Variants in KIR2DL1 observed in about 807,000 individuals in gnomAD.
The protein encoded by KIR2DL1 is killer cell immunoglobulin-like receptor 2DL1.
A neutral mutation model predicts 33.9 loss-of-function variants in KIR2DL1; 38 were observed. The observed-to-expected ratio is 1.12, with a 90% CI of 0.86 to 1.47. The LOEUF is 1.47. KIR2DL1 is among the 40% of genes most tolerant of loss of function. The pLI is 0.00. For synonymous variants in KIR2DL1, 179 were observed against 165.9 expected (o/e 1.08, Z -0.61); for missense variants, 531 against 433.9 (o/e 1.22, Z -1.99).
In KIR2DL1 at chr19:54,775,933, C is replaced by G. The variant is rs922524759; in HGVS notation, c.664+475C>G. Among the ~76,000 whole-genome samples, 45 of 146,480 alleles carry G rather than the reference C, an allele frequency of 3.1e-4. 3 individuals are homozygous for G. Among genetic ancestry groups the G allele is most frequent in the Non-Finnish European group, 1.4e-4 (9 of 65,340 alleles). The stretch of plus-strand genomic sequence containing the variant: ...TTGAGGTGGAGTCTAGCTCTGTCCC[C>G]TATGATGGAGTGCAGTGGCACAATC... On this transcript the variant is annotated intron_variant, in intron 4 of 7. Coordinates refer to ENST00000336077, the MANE Select transcript of KIR2DL1 (RefSeq NM_014218.3).
chr19:54,780,647 T>C (rs1231390568), intron 5 of KIR2DL1, among the ~76,000 whole-genome samples: 4 of 143,150 alleles, frequency 2.8e-5, no homozygotes. Flanking sequence ...GCCGCCCCAC[T>C]GGTGAAATGT....
intron 5 of KIR2DL1, among the ~76,000 whole-genome samples, chr19:54,782,190 C>G (rs1407971602): frequency 1.3e-5 from 2 of 151,832 alleles, no homozygotes; most frequent in Non-Finnish European, 2.9e-5. Flanking sequence ...CCACAGGAAG[C>G]ACTCAGCTAA....
chr19:54,779,518 C>G (rs1167673332), intron 5 of KIR2DL1, among the ~76,000 whole-genome samples: 2 of 145,978 alleles, frequency 1.4e-5, no homozygotes, highest in Non-Finnish European at 3.1e-5. Flanking sequence ...TGCTGCTCTC[C>G]CTTCTTCCTC....
chr19:54,781,616 G>A (rs918384722), intron 5 of KIR2DL1, among the ~76,000 whole-genome samples: 1 of 151,360 alleles, frequency 6.6e-6, no homozygotes, highest in African/African-American at 2.4e-5. Context: ...GAGGACAGGT[G>A]GTTTTGAAGC....
intron 2 of KIR2DL1, 60 bp from the exon 3 acceptor site, chr19:54,773,273 G>C (rs371064843): frequency 6.7e-7 from 1 of 1,497,182 alleles, no homozygotes; most frequent in Non-Finnish European, 9.1e-7. Context: ...ACTCAATCCA[G>C]GTGCCATGGA....
At chr19:54,778,769 C>G in intron 5 of KIR2DL1, 107 bp downstream of exon 5, 1 of 1,246,670 alleles carries the variant, frequency 8.0e-7, no homozygotes, top group Non-Finnish European at 1.2e-6. Flanking sequence ...GTACACTTGT[C>G]TTCCACCATC....
chr19:54,782,177 G>A (rs2077042310), intron 5 of KIR2DL1, among the ~76,000 whole-genome samples: 1 of 151,884 alleles, frequency 6.6e-6, no homozygotes, highest in African/African-American at 2.4e-5. Context: ...TTGTACCCTG[G>A]AGCCACAGGA....
At chr19:54,770,335 A>T (rs2075536776) in intron 1 of KIR2DL1, among the ~76,000 whole-genome samples, 1 of 133,254 alleles carries the variant, frequency 7.5e-6, no homozygotes, top group African/African-American at 2.9e-5. Flanking sequence ...CCTGGAGTGG[A>T]GATATGGGCC....
chr19:54,783,702 G>A lies in KIR2DL1; in HGVS notation c.936G>A (p.Gln312=). 3.1e-6 allele frequency: 5 copies of A among 1,614,032 alleles called. No homozygotes were observed. The highest frequency in any genetic ancestry group is 4.2e-6 in the Non-Finnish European group (5 of 1,179,966). ...AGTTGAATCACTGCGTTTTCACACA[G>A]AGAAAAATCACTCGCCCTTCTCAGA... is the stretch of plus-strand genomic sequence containing the variant. ...YTQLNHCVFT[Q]RKITRPSQRP... Residue 312 remains glutamine (Q), a synonymous_variant, in exon 8 of 8, where the codon CAG becomes CAA. Transcript: ENST00000336077.
chr19:54,775,062 G>T, intron 3 of KIR2DL1, 103 bp from the exon 4 acceptor site: 2 of 1,362,846 alleles, frequency 1.5e-6, no homozygotes, highest in Non-Finnish European at 2.0e-6. Context: ...GAGAGAGAGA[G>T]AGAGCATTAG....
At chr19:54,770,076 T>C (rs1029545574) in intron 1 of KIR2DL1, among the ~76,000 whole-genome samples, 192 bp downstream of exon 1, 5 of 130,726 alleles carry the variant, frequency 3.8e-5, no homozygotes, top group Non-Finnish European at 8.1e-5. Flanking sequence ...GATATAGGCC[T>C]GGAGGTGGAG....
At chr19:54,779,290 A>G (rs1176144887) in intron 5 of KIR2DL1, among the ~76,000 whole-genome samples, 154 of 148,784 alleles carry the variant, frequency 1.0e-3, no homozygotes, top group Middle Eastern at 3.5e-3. Flanking sequence ...TCAAAGTAGG[A>G]AGTGCATCTT....
chr19:54,783,769 C>A lies in KIR2DL1; in HGVS notation c.1003C>A (p.Leu335Ile), dbSNP rs1426835729. Residue 335 changes from leucine (L) to isoleucine (I), a missense_variant, in exon 8 of 8, where the codon CTT (leucine) becomes ATT (isoleucine). Transcript: ENST00000336077. Reference sequence around the variant, plus strand: ...AACAGATATCATCGTGTACACGGAACTTCCAAATGCTGAGTCCAGATCCAA... The same window carrying A: ...AACAGATATCATCGTGTACACGGAAATTCCAAATGCTGAGTCCAGATCCAA... ...PPTDIIVYTELPNAESRSKVV... is the reference protein window; with the variant it reads ...PPTDIIVYTEIPNAESRSKVV... The A allele has an allele frequency of 1.2e-6, 2 of 1,613,902 alleles. No individual in the cohort carries two copies. Among genetic ancestry groups the A allele is most frequent in the African/African-American group, 1.3e-5 (1 of 74,896 alleles).
chr19:54,772,744 A>T (rs2075886920), intron 2 of KIR2DL1, among the ~76,000 whole-genome samples: 1 of 143,606 alleles, frequency 7.0e-6, no homozygotes, highest in Non-Finnish European at 1.5e-5. Context: ...AAACAAGGAG[A>T]AGGTTGGCTA....
intron 2 of KIR2DL1, among the ~76,000 whole-genome samples, chr19:54,771,989 T>C (rs1306975422): frequency 1.3e-5 from 2 of 148,180 alleles, no homozygotes; most frequent in African/African-American, 4.9e-5. Flanking sequence ...ATGCAAGTCC[T>C]GACTGTATTT....
Position 54,783,959 on chromosome 19 carries a change from C to A in KIR2DL1, c.*146C>A, listed in dbSNP as rs1600916215. The A allele has an allele frequency of 8.2e-7, 1 of 1,226,022 alleles. No homozygotes were observed. The highest frequency in any genetic ancestry group is 1.2e-6 in the Non-Finnish European group (1 of 838,416). The allele number at this position is 1,226,022 out of a possible 1,614,324, so 75.9% of individuals were successfully genotyped here. ...CATCGATCTTCCTCACACCACAAAT[C>A]TGAATGTGCCTCTCTCTTGCTTACA... On this transcript the variant is annotated 3_prime_UTR_variant, in exon 8 of 8. Transcript: ENST00000336077.
chr19:54,776,171 T>C (rs1251620730), intron 4 of KIR2DL1, among the ~76,000 whole-genome samples: 4 of 144,094 alleles, frequency 2.8e-5, no homozygotes, highest in African/African-American at 1.0e-4. Context: ...ATTACAGGCA[T>C]GGGCCACCAG....
intron 4 of KIR2DL1, 49 bp downstream of exon 4, chr19:54,775,507 G>A: frequency 3.3e-6 from 5 of 1,508,464 alleles, no homozygotes; most frequent in Non-Finnish European, 4.5e-6. Context: ...TAGAGCCTTA[G>A]CTGAGGAGCT....
intron 5 of KIR2DL1, among the ~76,000 whole-genome samples, chr19:54,782,231 G>A (rs1211142252): frequency 5.6e-4 from 85 of 151,768 alleles, no homozygotes; most frequent in African/African-American, 2.0e-3. Context: ...AGGAAGAACA[G>A]GAAGACAGCC....
Sources: gnomAD v4.1 joint callset for allele counts (sites outside exome capture counted in the v4.1 genomes callset) on GRCh38, gnomAD v4.1.1 for gene constraint, MANE v1.5 for transcripts, NCBI Gene and HGNC (gene_info 2026-07-23, HGNC 2026-07-21) for gene names.